The following RFTN1 variants were observed in gnomAD, a reference collection of about 807,000 sequenced individuals.
RFTN1 encodes the protein raftlin.
Under a neutral mutation model 46.5 loss-of-function variants are expected in RFTN1, and 26 were observed. The observed-to-expected ratio is 0.56, with a 90% confidence interval of 0.41 to 0.78. The LOEUF (loss-of-function observed/expected upper bound fraction) is 0.78, where lower values mean the gene tolerates loss of function less well. Among genes scored for constraint, RFTN1 ranks in the 30% least tolerant of loss-of-function variants. The pLI is 0.00. For missense variants in RFTN1, 693 were observed against 718.7 expected (o/e 0.96, Z 0.41); for synonymous variants, 261 against 284.2 (o/e 0.92, Z 0.82).
rs1443599254 is a variant in RFTN1, at chr3:16,513,604, T to A, written c.-171A>T. ...GTGGCGCCGCGTGGTCGTGTGTCTG[T>A]CCCTCCGGCGATCGGTGCGTCTGTC... On this transcript the variant is annotated 5_prime_UTR_variant, in exon 1 of 10. Coordinates refer to ENST00000334133, the MANE Select transcript of RFTN1 (RefSeq NM_015150.2). The surrounding 1 kb of genome is among the most constrained non-coding windows in gnomAD (Gnocchi z 5.4). 1 of 152,084 alleles carries A rather than the reference T, an allele frequency of 6.6e-6. No individual in the cohort carries two copies. Among genetic ancestry groups the A allele is most frequent in the East Asian group, 1.9e-4 (1 of 5,178 alleles). 9.4% of individuals were successfully genotyped at this position (152,084 alleles called of 1,614,324 possible).
rs2076499894 is a variant in RFTN1 at position 16,489,132 on chromosome 3, T to G, written c.145+4593A>C. Reference sequence around the variant, plus strand: ...ACATCCTGGGAAATAAAATCAGTGATGGAGGCCGGGTGAGGTGGCTCACAC... The same window carrying G: ...ACATCCTGGGAAATAAAATCAGTGAGGGAGGCCGGGTGAGGTGGCTCACAC... On this transcript the variant is annotated intron_variant, in intron 2 of 9. Coordinates refer to ENST00000334133, the MANE Select transcript of RFTN1 (RefSeq NM_015150.2). This position sits in a 1 kb window ranked among gnomAD's most constrained non-coding sequence, Gnocchi z 4.0. Among the ~76,000 whole-genome samples the G allele has an allele frequency of 6.6e-6, 1 of 152,160 alleles. No homozygotes were observed. The highest frequency in any genetic ancestry group is 6.5e-5 in the Admixed American group (1 of 15,270).
intron 5 of RFTN1, among the ~76,000 whole-genome samples, chr3:16,372,429 C>T (rs572482096): frequency 8.2e-4 from 125 of 152,256 alleles, no homozygotes; most frequent in African/African-American, 2.8e-3. Flanking sequence ...GCTAAGGAAG[C>T]GGTGGGCTCG....
rs142498548 is a variant in RFTN1, at chr3:16,511,117, G to A, written c.-9+2325C>T. Reference sequence around the variant, plus strand: ...ACAGGGCAGTGGTTGCCACTGAGAGGGTGAGGGCAGAGAATGACTGAGAAT... The same window carrying A: ...ACAGGGCAGTGGTTGCCACTGAGAGAGTGAGGGCAGAGAATGACTGAGAAT... On this transcript the variant is annotated intron_variant, in intron 1 of 9. Transcript: ENST00000334133. Among the ~76,000 whole-genome samples the A allele has an allele frequency of 1.2e-4, 18 of 152,252 alleles. 1 individual carries two copies. In the East Asian group the frequency reaches 3.3e-3, roughly 28 times the overall value.
At chr3:16,325,264 G>A (rs1021071674) in intron 8 of RFTN1, among the ~76,000 whole-genome samples, 1 of 152,186 alleles carries the variant, frequency 6.6e-6, no homozygotes, top group African/African-American at 2.4e-5. Context: ...TCAAGAGCAG[G>A]CTGGAGATCA....
chr3:16,374,683 G>A lies in RFTN1; in HGVS notation c.826+3035C>T, dbSNP rs1296657826. Among the ~76,000 whole-genome samples the A allele has an allele frequency of 5.9e-5, 9 of 152,318 alleles. No homozygotes were observed. Among genetic ancestry groups the A allele is most frequent in the Middle Eastern group, 3.4e-3 (1 of 294 alleles). ...GACGGTGAGAATGATTAGAATTTTC[G>A]TGAACCTGTCTAGCCTCCTGGTTTC... On this transcript the variant is annotated intron_variant, in intron 5 of 9. Coordinates refer to ENST00000334133, the MANE Select transcript of RFTN1 (RefSeq NM_015150.2). The surrounding 1 kb of genome is among the most constrained non-coding windows in gnomAD (Gnocchi z 5.4).
In RFTN1 at chr3:16,480,220, C is replaced by T. The variant is rs1174344850; in HGVS notation, c.145+13505G>A. Among the ~76,000 whole-genome samples the T allele has an allele frequency of 2.6e-5, 4 of 152,348 alleles. No homozygotes were observed. The highest frequency in any genetic ancestry group is 2.6e-4 in the Admixed American group (4 of 15,304). On this transcript the variant is annotated intron_variant, in intron 2 of 9. Coordinates refer to ENST00000334133, the MANE Select transcript of RFTN1 (RefSeq NM_015150.2). This position sits in a 1 kb window ranked among gnomAD's most constrained non-coding sequence, Gnocchi z 4.3. Reference sequence around the variant, plus strand: ...CTCCCTTGGGAATATATTATTATACCTATCTTGTGTCAAAGCAACATGCAT... The same window carrying T: ...CTCCCTTGGGAATATATTATTATACTTATCTTGTGTCAAAGCAACATGCAT...
At chr3:16,486,994 C>G (rs750410648) in intron 2 of RFTN1, among the ~76,000 whole-genome samples, 4 of 152,248 alleles carry the variant, frequency 2.6e-5, no homozygotes, top group Non-Finnish European at 5.9e-5. Flanking sequence ...TCTTCCCTCC[C>G]TCCCTCTCTG....
At position 16,356,053 on chromosome 3, in the gene RFTN1, C is replaced by T. The variant is rs1245858812; in HGVS notation, c.1146+1879G>A. Among the ~76,000 whole-genome samples the T allele has an allele frequency of 1.3e-5, 2 of 152,192 alleles. No individual in the cohort carries two copies. Among genetic ancestry groups the T allele is most frequent in the Non-Finnish European group, 2.9e-5 (2 of 68,038 alleles). ...GCAAACTGAATGCCGGCTGCTCAGT[C>T]CTTCAGATCCTCAACTCTTGGCATT... On this transcript the variant is annotated intron_variant, in intron 7 of 9. Transcript: ENST00000334133. The surrounding 1 kb of genome is among the most constrained non-coding windows in gnomAD (Gnocchi z 4.9).
Position 16,458,095 on chromosome 3 carries a change from C to CA in RFTN1, c.146-24059dup, listed in dbSNP as rs112800956. On this transcript the variant is annotated intron_variant, in intron 2 of 9. Transcript: ENST00000334133. The surrounding 1 kb of genome is among the most constrained non-coding windows in gnomAD (Gnocchi z 5.1). Reference sequence around the variant, plus strand: ...ACTTCCCAGCCTCCAGAACTGTGAGCAAAAAAAAATCTTTGTTCTTTATAA... The same window carrying CA: ...ACTTCCCAGCCTCCAGAACTGTGAGCAAAAAAAAAATCTTTGTTCTTTATAA... Among the ~76,000 whole-genome samples, 453 of 150,594 alleles carry CA rather than the reference C, an allele frequency of 3.0e-3. 3 individuals carry two copies. Among genetic ancestry groups the CA allele is most frequent in the Middle Eastern group, 0.014 (4 of 294 alleles).
At position 16,446,113 on chromosome 3, in the gene RFTN1, G is replaced by T. The variant is rs538060868; in HGVS notation, c.146-12076C>A. On this transcript the variant is annotated intron_variant, in intron 2 of 9. Coordinates refer to ENST00000334133, the MANE Select transcript of RFTN1 (RefSeq NM_015150.2). The surrounding 1 kb of genome is among the most constrained non-coding windows in gnomAD (Gnocchi z 4.5). ...TCAGGACTGCAGTAGCACTCTCTCC[G>T]TCAAAGAAAGTCCAATGCAAACTGC... 1.3e-5 allele frequency among the ~76,000 whole-genome samples: 2 copies of T among 151,978 alleles called. No individual in the cohort carries two copies. Among genetic ancestry groups the T allele is most frequent in the Admixed American group, 6.6e-5 (1 of 15,250 alleles).
rs141324785 is a variant in RFTN1, at chr3:16,472,382, A to C, written c.145+21343T>G. On this transcript the variant is annotated intron_variant, in intron 2 of 9. Transcript: ENST00000334133. Reference sequence around the variant, plus strand: ...AACACTAACTGCAAAGAAGAAACAGAGATCATCCAAATAGGCAGATCCAAA... The same window carrying C: ...AACACTAACTGCAAAGAAGAAACAGCGATCATCCAAATAGGCAGATCCAAA... 2.6e-5 allele frequency: 4 copies of C among 152,388 alleles called. No individual in the cohort carries two copies. The East Asian group carries it at 7.7e-4, about 29-fold the overall frequency. The allele number at this position is 152,388 out of a possible 1,614,324, so 9.4% of individuals were successfully genotyped here. A position where few individuals can be genotyped will look rare whatever the true frequency, so the allele number is the denominator to read the frequency against.
At position 16,370,379 on chromosome 3, in the gene RFTN1, T is replaced by C. The variant is rs2073447026; in HGVS notation, c.827-100A>G. 1.9e-6 allele frequency: 2 copies of C among 1,051,482 alleles called. No homozygotes were observed. Among genetic ancestry groups the C allele is most frequent in the Non-Finnish European group, 2.9e-6 (2 of 681,188 alleles). 65.1% of individuals were successfully genotyped at this position (1,051,482 alleles called of 1,614,324 possible). On this transcript the variant is annotated intron_variant, in intron 5 of 9. Transcript: ENST00000334133. This position sits in a 1 kb window ranked among gnomAD's most constrained non-coding sequence, Gnocchi z 5.5. ...GGAATCTCTCAGGAGCCTGAATAAA[T>C]GATATGATGAATGCTGAAATCTCTG...
intron 2 of RFTN1, among the ~76,000 whole-genome samples, chr3:16,463,860 G>A (rs143153851): frequency 0.012 from 1,868 of 152,208 alleles, 20 homozygotes; most frequent in Non-Finnish European, 0.02. Flanking sequence ...ATGGGGGTGC[G>A]GGCTGATGAC....
chr3:16,379,072 G>C (rs199647125), intron 4 of RFTN1, among the ~76,000 whole-genome samples: 1 of 152,306 alleles, frequency 6.6e-6, no homozygotes. Context: ...TAAATAAGGC[G>C]GTGCAGACCT....
At chr3:16,511,899 A>G (rs998545723) in intron 1 of RFTN1, among the ~76,000 whole-genome samples, 1 of 152,162 alleles carries the variant, frequency 6.6e-6, no homozygotes, top group East Asian at 1.9e-4. Flanking sequence ...CCATACAGCC[A>G]AAAAGCAAAC....
chr3:16,481,921 T>A lies in RFTN1; in HGVS notation c.145+11804A>T, dbSNP rs2076373421. 6.6e-6 allele frequency among the ~76,000 whole-genome samples: 1 copy of A among 152,230 alleles called. No individual in the cohort carries two copies. Among genetic ancestry groups the A allele is most frequent in the South Asian group, 2.1e-4 (1 of 4,838 alleles). ...ATTGGCACACTTACAAAACTGGGAC[T>A]AAGTGGCAGCCATCCACACATACTC... On this transcript the variant is annotated intron_variant, in intron 2 of 9. Coordinates refer to ENST00000334133, the MANE Select transcript of RFTN1 (RefSeq NM_015150.2). This position sits in a 1 kb window ranked among gnomAD's most constrained non-coding sequence, Gnocchi z 5.1.
intron 1 of RFTN1, among the ~76,000 whole-genome samples, chr3:16,497,342 T>C (rs1227912304): frequency 2.6e-5 from 4 of 152,246 alleles, no homozygotes; most frequent in Non-Finnish European, 5.9e-5. Flanking sequence ...TTCTTCTGAA[T>C]AAAAACTGAA....
chr3:16,470,230 G>GCACACACACACA (rs200435969), intron 2 of RFTN1, among the ~76,000 whole-genome samples: 7 of 148,782 alleles, frequency 4.7e-5, no homozygotes, highest in African/African-American at 7.4e-5. Flanking sequence ...CTGCACACAC[G>GCACACACACACA]CACACACACA....
intron 2 of RFTN1, among the ~76,000 whole-genome samples, chr3:16,463,479 T>C (rs2076040448): frequency 6.6e-6 from 1 of 152,200 alleles, no homozygotes; most frequent in Non-Finnish European, 1.5e-5. Context: ...ATCCATTGAG[T>C]TCTTAATTGC....
Sources: allele counts gnomAD v4.1 joint callset (sites outside exome capture counted in the v4.1 genomes callset), GRCh38; gene constraint gnomAD v4.1.1; non-coding constraint Gnocchi (gnomAD v3.1); transcripts MANE v1.5; gene names NCBI Gene and HGNC (gene_info 2026-07-23, HGNC 2026-07-21).